The following GHR variants were observed in gnomAD, a reference collection of about 807,000 sequenced individuals.
GHR encodes the protein GH receptor.
In GHR, 35 loss-of-function variants were observed where a neutral mutation model predicts 67.1. The ratio of observed to expected loss-of-function variants is 0.52; its 90% CI spans 0.40 to 0.69. GHR has a LOEUF of 0.69. Ranked by LOEUF, GHR falls within the 30% of genes least tolerant of loss-of-function variation. The pLI is 0.00. For synonymous variants in GHR, 272 were observed against 269.1 expected, an observed-to-expected ratio of 1.01 and a Z score of -0.10; for missense variants, 792 against 764.6, an observed-to-expected ratio of 1.04 and a Z score of -0.42.
intron 3 of GHR, among the ~76,000 whole-genome samples, chr5:42,642,882 T>C (rs1176605183): frequency 1.3e-5 from 2 of 152,180 alleles, no homozygotes; most frequent in Non-Finnish European, 2.9e-5. Context: ...TTCTTTGATT[T>C]GCAGAAACAT....
intron 1 of GHR, among the ~76,000 whole-genome samples, chr5:42,474,325 G>GAAAGAAAGAAAGAA (rs1554054629): frequency 3.0e-5 from 4 of 132,300 alleles, no homozygotes; most frequent in East Asian, 3.9e-4. Context: ...AAGAAAGAAA[G>GAAAGAAAGAAAGAA]AAAGAAAGAA....
At chr5:42,695,152 A>C in intron 5 of GHR, 63 bp downstream of exon 5, 1 of 1,110,676 alleles carries the variant, frequency 9.0e-7, no homozygotes, top group South Asian at 1.3e-5. Context: ...GGAAGCCTGC[A>C]AGGTCCAAGT....
intron 3 of GHR, among the ~76,000 whole-genome samples, chr5:42,673,263 G>A (rs61427672): frequency 1.3e-5 from 2 of 152,028 alleles, no homozygotes; most frequent in Admixed American, 6.6e-5. Flanking sequence ...AACAACAGAC[G>A]CTGGCAAGGC....
intron 1 of GHR, among the ~76,000 whole-genome samples, chr5:42,487,054 A>G (rs1048767738): frequency 6.6e-6 from 1 of 152,184 alleles, no homozygotes. Flanking sequence ...TATCTCAGGC[A>G]AAGGTACTCC....
chr5:42,475,384 G>C (rs1745257114), intron 1 of GHR, among the ~76,000 whole-genome samples: 1 of 151,972 alleles, frequency 6.6e-6, no homozygotes. Context: ...CACTTGCAGA[G>C]ACCCCTTCCA....
Position 42,718,464 on chromosome 5 carries a change from AGAG to A in GHR, c.962_964del (p.Glu321del), listed in dbSNP as rs755280364. On this transcript the variant is annotated inframe_deletion, in exon 10 of 10. Transcript: ENST00000230882. Reference sequence around the variant, plus strand: ...TTTCTATTTTCTAGGAAGGAAAATTAGAGGAGGTGAACACAATCTTAGCCATTC... The same window carrying A: ...TTTCTATTTTCTAGGAAGGAAAATTAGAGGTGAACACAATCTTAGCCATTC... The A allele has an allele frequency of 1.2e-6, 2 of 1,608,062 alleles. No homozygotes were observed. The highest frequency in any genetic ancestry group is 1.1e-5 in the South Asian group (1 of 90,954).
intron 1 of GHR, among the ~76,000 whole-genome samples, chr5:42,480,474 GTTGAC>G (rs1308205259): frequency 4.6e-5 from 7 of 152,134 alleles, no homozygotes; most frequent in Non-Finnish European, 1.0e-4. Flanking sequence ...TCTGTCTAAT[GTTGAC>G]ATTGGGGTGT....
intron 1 of GHR, among the ~76,000 whole-genome samples, chr5:42,450,651 G>A (rs528255043): frequency 2.0e-5 from 3 of 151,716 alleles, no homozygotes; most frequent in Admixed American, 2.0e-4. Flanking sequence ...CTCTTATTTG[G>A]TTATATCTTT....
chr5:42,681,656 G>A (rs1350069601), intron 3 of GHR, among the ~76,000 whole-genome samples: 1 of 151,922 alleles, frequency 6.6e-6, no homozygotes, highest in Admixed American at 6.6e-5. Context: ...TACACATGCG[G>A]CCGGGCGTGG....
intron 1 of GHR, among the ~76,000 whole-genome samples, chr5:42,491,522 A>G (rs541663853): frequency 3.4e-4 from 52 of 152,346 alleles, no homozygotes; most frequent in African/African-American, 1.1e-3. Flanking sequence ...TATGAAAGGT[A>G]GATACTAATC....
chr5:42,473,211 A>C (rs954198670), intron 1 of GHR, among the ~76,000 whole-genome samples: 1 of 151,892 alleles, frequency 6.6e-6, no homozygotes, highest in African/African-American at 2.4e-5. Flanking sequence ...AGGCCTTATC[A>C]TTTCTAAGTA....
At chr5:42,694,518 C>T (rs979857729) in intron 4 of GHR, among the ~76,000 whole-genome samples, 3 of 152,142 alleles carry the variant, frequency 2.0e-5, no homozygotes, top group African/African-American at 7.2e-5. Flanking sequence ...CAGGTCTAAA[C>T]CTTCACTGTT....
At chr5:42,431,819 C>A (rs528995018) in intron 1 of GHR, among the ~76,000 whole-genome samples, 3 of 152,336 alleles carry the variant, frequency 2.0e-5, no homozygotes, top group African/African-American at 7.2e-5. Context: ...GGATTCAGTA[C>A]AGGTGTAGAG....
intron 8 of GHR, among the ~76,000 whole-genome samples, chr5:42,714,910 T>C (rs544713733): frequency 3.9e-5 from 6 of 152,338 alleles, no homozygotes; most frequent in African/African-American, 1.4e-4. Flanking sequence ...TCACGAGGTA[T>C]GTAAAGTAAT....
chr5:42,697,666 GCA>G (rs1757744779), intron 5 of GHR, among the ~76,000 whole-genome samples: 1 of 151,916 alleles, frequency 6.6e-6, no homozygotes, highest in African/African-American at 2.4e-5. Context: ...AGACCAAATC[GCA>G]CAGACAAGAC....
At chr5:42,703,751 C>T (rs1048024102) in intron 6 of GHR, among the ~76,000 whole-genome samples, 1 of 151,462 alleles carries the variant, frequency 6.6e-6, no homozygotes, top group Non-Finnish European at 1.5e-5. Context: ...AGATCTTTCA[C>T]CTTTTTGTTT....
intron 2 of GHR, among the ~76,000 whole-genome samples, chr5:42,579,186 A>AGAT (rs1372626180): frequency 6.6e-5 from 10 of 151,564 alleles, no homozygotes; most frequent in African/African-American, 2.2e-4. Context: ...ATAGATAGAT[A>AGAT]GATAGATAGA....
intron 1 of GHR, among the ~76,000 whole-genome samples, chr5:42,453,095 T>C (rs2112009970): frequency 6.6e-6 from 1 of 152,202 alleles, no homozygotes; most frequent in Non-Finnish European, 1.5e-5. Flanking sequence ...AGAATCAGAC[T>C]CTAATGTTTA....
chr5:42,558,698 T>G (rs1749441463), intron 1 of GHR, among the ~76,000 whole-genome samples: 2 of 152,210 alleles, frequency 1.3e-5, no homozygotes, highest in African/African-American at 4.8e-5. Flanking sequence ...CCATATAGCC[T>G]AGGTGTGTAG....
Sources: gnomAD v4.1 joint callset for allele counts (sites outside exome capture counted in the v4.1 genomes callset) on GRCh38, gnomAD v4.1.1 for gene constraint, MANE v1.5 for transcripts, NCBI Gene and HGNC (gene_info 2026-07-23, HGNC 2026-07-21) for gene names.